CCDC181: variants seen among roughly 807,000 people sequenced by gnomAD.
The protein encoded by CCDC181 is coiled-coil domain-containing protein 181.
Under a neutral mutation model 58.7 loss-of-function variants are expected in CCDC181, and 35 were observed. The ratio of observed to expected loss-of-function variants is 0.60; its 90% CI spans 0.46 to 0.79. CCDC181 has a LOEUF of 0.79. Among genes scored for constraint, CCDC181 ranks in the 30% least tolerant of loss-of-function variants. The pLI is 0.00. For missense variants in CCDC181, 517 were observed against 583.9 expected (o/e 0.89, Z 1.18); for synonymous variants, 183 against 197.5 (o/e 0.93, Z 0.62).
intron 2 of CCDC181, among the ~76,000 whole-genome samples, chr1:169,448,396 G>GT (rs1240554019): frequency 1.3e-5 from 2 of 151,718 alleles, no homozygotes; most frequent in African/African-American, 4.8e-5. Flanking sequence ...TTCAGTTTTT[G>GT]TTTTTCTGAG....
At chr1:169,403,728 C>G (rs6696428) in intron 4 of CCDC181, among the ~76,000 whole-genome samples, 81,328 of 151,974 alleles carry the variant, frequency 0.54, 22,604 homozygotes, top group Non-Finnish European at 0.6. Flanking sequence ...AAAATTGATA[C>G]CCTAACATCA....
chr1:169,437,078 C>T (rs1657074128), intron 2 of CCDC181, among the ~76,000 whole-genome samples: 1 of 151,630 alleles, frequency 6.6e-6, no homozygotes, highest in Non-Finnish European at 1.5e-5. Flanking sequence ...TTTTTAAGGA[C>T]AATTTGGTGG....
intron 2 of CCDC181, among the ~76,000 whole-genome samples, chr1:169,455,801 T>C (rs763970153): frequency 2.0e-5 from 3 of 152,166 alleles, no homozygotes; most frequent in Non-Finnish European, 4.4e-5. Context: ...TTAAAGAAAG[T>C]ACATACATGC....
At chr1:169,431,099 C>T (rs1242921524), upstream of CCDC181, among the ~76,000 whole-genome samples, 1 of 152,138 alleles carries the variant, frequency 6.6e-6, no homozygotes, top group Non-Finnish European at 1.5e-5. Context: ...CTTTCAACTG[C>T]ATTCTAGGAA....
At position 169,415,551 on chromosome 1, in the gene CCDC181, A is replaced by G. The variant is rs1878597; in HGVS notation, c.1215+3462T>C. 8.8e-3 allele frequency among the ~76,000 whole-genome samples: 1,337 copies of G among 152,268 alleles called. 20 individuals carry two copies. The highest frequency in any genetic ancestry group is 0.03 in the African/African-American group (1,256 of 41,552). ...TGAAACAGAGGCTGCATTTTCTACC[A>G]TACTTCAAGTACTTCGGTGGTCAGA... On this transcript the variant is annotated intron_variant, in intron 4 of 5. Coordinates refer to ENST00000367806, the MANE Select transcript of CCDC181 (RefSeq NM_001300969.2).
At chr1:169,431,289 T>G (rs928589584), upstream of CCDC181, among the ~76,000 whole-genome samples, 44 of 152,330 alleles carry the variant, frequency 2.9e-4, no homozygotes, top group Middle Eastern at 3.4e-3. Context: ...AACAGTTTGA[T>G]TTCCTCTTTA....
At position 169,425,545 on chromosome 1, in the gene CCDC181, A is replaced by AT. The variant is rs1656678021; in HGVS notation, c.-23-596dup. Among the ~76,000 whole-genome samples, 9 of 152,246 alleles carry AT rather than the reference A, an allele frequency of 5.9e-5. No homozygotes were observed. The South Asian group carries it at 1.9e-3, about 32-fold the overall frequency. On this transcript the variant is annotated intron_variant, in intron 1 of 5. Transcript: ENST00000367806. Reference sequence around the variant, plus strand: ...CAGGTTGAGCACAAATTTTGAAGTGATCTGGAGAAATCAAGTCAACACTTC... The same window carrying AT: ...CAGGTTGAGCACAAATTTTGAAGTGATTCTGGAGAAATCAAGTCAACACTTC...
chr1:169,404,332 C>T (rs1444933914), intron 4 of CCDC181, among the ~76,000 whole-genome samples: 1 of 152,150 alleles, frequency 6.6e-6, no homozygotes, highest in Non-Finnish European at 1.5e-5. Flanking sequence ...CATCCTGATA[C>T]CAAAGCCTGG....
intron 2 of CCDC181, among the ~76,000 whole-genome samples, chr1:169,440,421 T>C (rs1230212429): frequency 6.6e-6 from 1 of 152,194 alleles, no homozygotes; most frequent in Non-Finnish European, 1.5e-5. Flanking sequence ...GAAAGAGTAA[T>C]TCACACAGAG....
At chr1:169,405,037 C>G (rs1021756937) in intron 4 of CCDC181, among the ~76,000 whole-genome samples, 12 of 152,166 alleles carry the variant, frequency 7.9e-5, no homozygotes, top group African/African-American at 2.9e-4. Flanking sequence ...AGAGCCAAAT[C>G]ATGAGTGAAT....
chr1:169,414,493 A>C (rs994525401), intron 4 of CCDC181, among the ~76,000 whole-genome samples: 3 of 152,190 alleles, frequency 2.0e-5, no homozygotes, highest in African/African-American at 7.2e-5. Context: ...ACAGCACTAC[A>C]TCCAATGCAG....
intron 2 of CCDC181, among the ~76,000 whole-genome samples, chr1:169,422,519 T>A (rs1443595371): frequency 2.6e-5 from 4 of 152,180 alleles, no homozygotes; most frequent in South Asian, 2.1e-4. Flanking sequence ...AAAATTCAAC[T>A]TTAAATTTGA....
At chr1:169,436,659 C>T (rs1200922109) in intron 2 of CCDC181, among the ~76,000 whole-genome samples, 1 of 152,186 alleles carries the variant, frequency 6.6e-6, no homozygotes, top group East Asian at 1.9e-4. Context: ...AATCATTCAC[C>T]ATCTGTAATT....
chr1:169,400,851 A>T (rs964957714), intron 4 of CCDC181, among the ~76,000 whole-genome samples: 1 of 152,164 alleles, frequency 6.6e-6, no homozygotes, highest in Admixed American at 6.5e-5. Context: ...ACAGTGGGGC[A>T]TCGCCTCACC....
chr1:169,410,228 C>G (rs1456112389), intron 4 of CCDC181, among the ~76,000 whole-genome samples: 1 of 144,486 alleles, frequency 6.9e-6, no homozygotes, highest in Non-Finnish European at 1.5e-5. Context: ...AAAAAAAAAG[C>G]AGGGGTTGCA....
chr1:169,416,054 T>C (rs1224650157), intron 4 of CCDC181, among the ~76,000 whole-genome samples: 2 of 152,204 alleles, frequency 1.3e-5, no homozygotes, highest in Non-Finnish European at 2.9e-5. Flanking sequence ...TAGGCTTAAG[T>C]AGATTCCAGC....
At chr1:169,434,115 CCAATT>C (rs1262552644) in intron 2 of CCDC181, among the ~76,000 whole-genome samples, 1 of 151,896 alleles carries the variant, frequency 6.6e-6, no homozygotes, top group Non-Finnish European at 1.5e-5. Context: ...AACAAACACT[CCAATT>C]CAAAAAATGG....
rs758854172 is a variant in CCDC181 at position 169,419,166 on chromosome 1, A to G, written c.1069-7T>C. On this transcript the variant is annotated splice_polypyrimidine_tract_variant and splice_region_variant and intron_variant, in intron 3 of 5. Coordinates refer to ENST00000367806, the MANE Select transcript of CCDC181 (RefSeq NM_001300969.2). Reference sequence around the variant, plus strand: ...CTATTTTTCGTCGCTCTTCCTAGTAAAAGAATATGAAAAGACATTAATGGA... The same window carrying G: ...CTATTTTTCGTCGCTCTTCCTAGTAGAAGAATATGAAAAGACATTAATGGA... 3 of 1,568,488 alleles carry G rather than the reference A, an allele frequency of 1.9e-6. No individual in the cohort carries two copies. The highest frequency in any genetic ancestry group is 2.6e-6 in the Non-Finnish European group (3 of 1,154,280).
chr1:169,444,464 G>A (rs1657319058), intron 2 of CCDC181, among the ~76,000 whole-genome samples: 1 of 152,100 alleles, frequency 6.6e-6, no homozygotes, highest in Admixed American at 6.6e-5. Context: ...TTACAGCAAA[G>A]TCCAGACACG....
Sources: gnomAD v4.1 joint callset for allele counts (sites outside exome capture counted in the v4.1 genomes callset) on GRCh38, gnomAD v4.1.1 for gene constraint, MANE v1.5 for transcripts, NCBI Gene and HGNC (gene_info 2026-07-23, HGNC 2026-07-21) for gene names.